BRAF: variants seen among roughly 807,000 people sequenced by gnomAD.
BRAF encodes serine/threonine-protein kinase B-raf.
In BRAF, 16 loss-of-function variants were observed where a neutral mutation model predicts 104.6. The ratio of observed to expected loss-of-function variants is 0.15; its 90% CI spans 0.10 to 0.23. The LOEUF (loss-of-function observed/expected upper bound fraction) is 0.23, where lower values mean the gene tolerates loss of function less well. Ranked by LOEUF, BRAF falls within the 10% of genes least tolerant of loss-of-function variation. The probability of loss-of-function intolerance (pLI) is 1.00; values close to 1 mark genes in which losing one functional copy is unlikely to be tolerated. For missense variants in BRAF, 541 were observed against 937.3 expected, an observed-to-expected ratio of 0.58 and a Z score of 5.52; for synonymous variants, 310 against 341.6, an observed-to-expected ratio of 0.91 and a Z score of 1.02.
chr7:140,781,345 TC>T lies in BRAF; in HGVS notation c.1552+230del, dbSNP rs1800852071. On this transcript the variant is annotated intron_variant, in intron 12 of 19. Coordinates refer to ENST00000644969, the MANE Select transcript of BRAF (RefSeq NM_001374258.1). ...TGAGGACTAGTTAACCTGGAGGAATTCCCCTTTAAAAATTATTACTGTAATA... is the reference window on the plus strand; with the variant it reads ...TGAGGACTAGTTAACCTGGAGGAATTCCCTTTAAAAATTATTACTGTAATA... The T allele has an allele frequency of 5.6e-6, 3 of 538,058 alleles. No homozygotes were observed. The African/African-American group carries it at 5.7e-5, about 10-fold the overall frequency. The allele number at this position is 538,058 out of a possible 1,614,324, so 33.3% of individuals were successfully genotyped here.
intron 3 of BRAF, 81 bp from the exon 4 acceptor site, chr7:140,809,076 C>A: frequency 8.5e-7 from 1 of 1,182,562 alleles, no homozygotes; most frequent in South Asian, 1.3e-5. Flanking sequence ...TTTAGTAATT[C>A]ATCTTTAAAA....
At chr7:140,748,583 C>T (rs978506661) in intron 17 of BRAF, among the ~76,000 whole-genome samples, 1 of 152,144 alleles carries the variant, frequency 6.6e-6, no homozygotes, top group Non-Finnish European at 1.5e-5. Context: ...GTTGTAATCT[C>T]TCTACACACA....
intron 2 of BRAF, among the ~76,000 whole-genome samples, chr7:140,841,727 T>C (rs570671550): frequency 6.6e-5 from 10 of 152,216 alleles, no homozygotes; most frequent in Admixed American, 1.3e-4. Context: ...TGTCAGGGGC[T>C]GCAGGGAATG....
chr7:140,800,432 C>T lies in BRAF; in HGVS notation c.910G>A (p.Glu304Lys). The T allele has an allele frequency of 6.2e-7, 1 of 1,614,156 alleles. No homozygotes were observed. Among genetic ancestry groups the T allele is most frequent in the Non-Finnish European group, 8.5e-7 (1 of 1,180,020 alleles). ...FFEHHPIPQE[E>K]ASLAETALTS... is the part of the protein sequence containing the mutation. ...AGGGCAGTCTCTGCTAAGGACGCCT[C>T]TTCCTGTGGTATTGGGTGGTGTTCA... The change falls in exon 7 of 20, where the codon GAG becomes AAG. Residue 304 changes from glutamate (E) to lysine (K), a missense_variant. This residue lies in a region of BRAF where 79 missense variants were observed against 74.6 expected (regional missense o/e 1.06). Transcript: ENST00000644969.
At chr7:140,850,240 T>A in intron 1 of BRAF, 28 bp from the exon 2 acceptor site, 1 of 1,485,176 alleles carries the variant, frequency 6.7e-7, no homozygotes, top group Non-Finnish European at 9.4e-7. Flanking sequence ...AGAATTTAAA[T>A]AAAAATCACT....
intron 3 of BRAF, among the ~76,000 whole-genome samples, chr7:140,816,079 G>A (rs950208221): frequency 1.3e-5 from 2 of 152,144 alleles, no homozygotes; most frequent in African/African-American, 4.8e-5. Context: ...TTTATTAGGC[G>A]CCAAGAATGT....
chr7:140,881,441 G>A lies in BRAF; in HGVS notation c.139-31229C>T, dbSNP rs935062597. On this transcript the variant is annotated intron_variant, in intron 1 of 19. Transcript: ENST00000644969. ...TGCCTGCTTTTTAAAAATGAATGGA[G>A]ACGACGTCTCACTATGATGGCCAGG... 3.3e-5 allele frequency among the ~76,000 whole-genome samples: 5 copies of A among 152,298 alleles called. No individual in the cohort carries two copies. The South Asian group carries it at 8.3e-4, about 25-fold the overall frequency.
At chr7:140,838,658 T>C (rs1384631086) in intron 2 of BRAF, among the ~76,000 whole-genome samples, 3 of 152,122 alleles carry the variant, frequency 2.0e-5, no homozygotes, top group African/African-American at 7.2e-5. Flanking sequence ...ATCAAAACAA[T>C]CTTATAAAAG....
At chr7:140,825,408 T>G (rs929550937) in intron 3 of BRAF, among the ~76,000 whole-genome samples, 1 of 152,214 alleles carries the variant, frequency 6.6e-6, no homozygotes, top group Non-Finnish European at 1.5e-5. Context: ...GCAGAAGTTT[T>G]ACATTTTGAT....
intron 1 of BRAF, among the ~76,000 whole-genome samples, chr7:140,890,297 T>A (rs1164578892): frequency 6.6e-6 from 1 of 152,222 alleles, no homozygotes; most frequent in African/African-American, 2.4e-5. Context: ...ACTATAAAAC[T>A]TTTTTGGGGA....
At chr7:140,778,264 T>C (rs1395884494) in intron 12 of BRAF, among the ~76,000 whole-genome samples, 189 bp from the exon 12 acceptor site, 1 of 152,200 alleles carries the variant, frequency 6.6e-6, no homozygotes, top group Non-Finnish European at 1.5e-5. Context: ...AACAATGATA[T>C]TCCTGTACTA....
chr7:140,812,905 T>C (rs967019105), intron 3 of BRAF, among the ~76,000 whole-genome samples: 1 of 152,020 alleles, frequency 6.6e-6, no homozygotes, highest in Non-Finnish European at 1.5e-5. Flanking sequence ...ATTTAAATGC[T>C]GGAAGGAAGA....
chr7:140,862,148 C>G (rs1003272688), intron 1 of BRAF, among the ~76,000 whole-genome samples: 2 of 152,000 alleles, frequency 1.3e-5, no homozygotes, highest in Non-Finnish European at 2.9e-5. Context: ...CTATGAATAT[C>G]CAATGGGAGG....
In BRAF at chr7:140,871,310, G is replaced by A. The variant is rs534664772; in HGVS notation, c.139-21098C>T. Among the ~76,000 whole-genome samples the A allele has an allele frequency of 1.3e-5, 2 of 151,438 alleles. 1 individual carries two copies. Among genetic ancestry groups the A allele is most frequent in the South Asian group, 4.2e-4 (2 of 4,774 alleles). On this transcript the variant is annotated intron_variant, in intron 1 of 19. Transcript: ENST00000644969. ...ATATATTTGTATCTGATCTAAACCT[G>A]GTGGAAAAGGGTAATCAGCTTACAG...
At chr7:140,874,781 G>A (rs1200875178) in intron 1 of BRAF, among the ~76,000 whole-genome samples, 2 of 152,134 alleles carry the variant, frequency 1.3e-5, no homozygotes, top group Non-Finnish European at 2.9e-5. Context: ...ATGTTCAAAT[G>A]TAATCCCCAA....
At chr7:140,719,028 C>T (rs1585879574), downstream of BRAF, among the ~76,000 whole-genome samples, 3 of 152,304 alleles carry the variant, frequency 2.0e-5, no homozygotes, top group South Asian at 2.1e-4. Context: ...CCAACTGAAC[C>T]ACATGGAGGA....
At chr7:140,791,044 T>C (rs1331746152) in intron 8 of BRAF, among the ~76,000 whole-genome samples, 1 of 152,140 alleles carries the variant, frequency 6.6e-6, no homozygotes, top group Non-Finnish European at 1.5e-5. Flanking sequence ...GAGGCTGCAG[T>C]GAGCAGCGAT....
chr7:140,823,932 A>G (rs943875235), intron 3 of BRAF: 3 of 152,126 alleles, frequency 2.0e-5, no homozygotes, highest in Non-Finnish European at 2.9e-5. Context: ...GCATCTTTTC[A>G]TATGCTCGTG....
chr7:140,724,136 A>C lies in BRAF; in HGVS notation c.*2358T>G. On this transcript the variant is annotated 3_prime_UTR_variant, in exon 20 of 20. Coordinates refer to ENST00000644969, the MANE Select transcript of BRAF (RefSeq NM_001374258.1). ...CTATTCTAAAATGCAAGGGAAGAAA[A>C]AGTGTATCACCCTGAATATTGTTTA... The C allele has an allele frequency of 9.5e-7, 1 of 1,053,944 alleles. No individual in the cohort carries two copies. Among genetic ancestry groups the C allele is most frequent in the Non-Finnish European group, 1.1e-6 (1 of 872,132 alleles). The allele number at this position is 1,053,944 out of a possible 1,614,324, so 65.3% of individuals were successfully genotyped here. A position where few individuals can be genotyped will look rare whatever the true frequency, so the allele number is the denominator to read the frequency against.
Sources: allele counts gnomAD v4.1 joint callset (sites outside exome capture counted in the v4.1 genomes callset), GRCh38; gene constraint gnomAD v4.1.1; regional missense constraint gnomAD v4.1.1; transcripts MANE v1.5; gene names NCBI Gene and HGNC (gene_info 2026-07-23, HGNC 2026-07-21).